CNGA3: variants seen among roughly 807,000 people sequenced by gnomAD.
CNGA3 encodes cyclic nucleotide gated channel subunit alpha 3, also known as cyclic nucleotide-gated channel alpha-3.
Under a neutral mutation model 46.6 loss-of-function variants are expected in CNGA3, and 42 were observed. The ratio of observed to expected loss-of-function variants is 0.90; its 90% CI spans 0.70 to 1.17. The LOEUF (loss-of-function observed/expected upper bound fraction) is 1.17, where lower values mean the gene tolerates loss of function less well. Among genes scored for constraint, CNGA3 ranks in the 50% most tolerant of loss-of-function variants. The pLI is 0.00. For synonymous variants in CNGA3, 394 were observed against 369.4 expected, an observed-to-expected ratio of 1.07 and a Z score of -0.76; for missense variants, 893 against 890.7, an observed-to-expected ratio of 1.00 and a Z score of -0.03.
At chr2:98,361,514 A>T (rs1692032547) in intron 1 of CNGA3, among the ~76,000 whole-genome samples, 1 of 152,100 alleles carries the variant, frequency 6.6e-6, no homozygotes, top group Non-Finnish European at 1.5e-5. Context: ...TCTTTATAAT[A>T]GAATAATTTA....
At chr2:98,361,117 T>TTAAG (rs1692023189) in intron 1 of CNGA3, among the ~76,000 whole-genome samples, 2 of 152,128 alleles carry the variant, frequency 1.3e-5, no homozygotes, top group Non-Finnish European at 2.9e-5. Context: ...GCTGCATCTA[T>TTAAG]CAACCCATCT....
chr2:98,377,583 G>A (rs1402719154), intron 2 of CNGA3, 104 bp from the exon 3 acceptor site: 4 of 1,105,356 alleles, frequency 3.6e-6, no homozygotes, highest in Non-Finnish European at 2.7e-6. Flanking sequence ...TGTGAGGGTG[G>A]CTTTCCCTGC....
At chr2:98,379,134 G>A (rs1692480528) in intron 3 of CNGA3, among the ~76,000 whole-genome samples, 2 of 152,242 alleles carry the variant, frequency 1.3e-5, no homozygotes, top group East Asian at 3.8e-4. Flanking sequence ...GGAATTGTCT[G>A]CGGCAGAGAG....
Position 98,397,114 on chromosome 2 carries a change from G to A in CNGA3, c.1944G>A (p.Leu648=). The A allele has an allele frequency of 1.2e-6, 2 of 1,614,174 alleles. No individual in the cohort carries two copies. Residue 648 remains leucine (L), a synonymous_variant, in exon 8 of 8, where the codon CTG becomes CTA. Coordinates refer to ENST00000272602, the MANE Select transcript of CNGA3 (RefSeq NM_001298.3). ...TGCAGACCAGGTTTGCACGCCTCCT[G>A]GCTGAGTACAACGCCACCCAGATGA... is the stretch of plus-strand genomic sequence containing the variant. ...DTLQTRFARL[L]AEYNATQMKM...
In CNGA3 at chr2:98,396,286, C is replaced by A. The variant is rs201649850; in HGVS notation, c.1116C>A (p.Pro372=). The change falls in exon 8 of 8, where the codon CCC becomes CCA. Residue 372 remains proline (P), a synonymous_variant. Transcript: ENST00000272602. ...CCACCATTGGTGAGACCCCACCCCC[C>A]GTGAAAGATGAGGAGTATCTCTTTG... The part of the protein sequence containing the change: ...TLTTIGETPP[P]VKDEEYLFVV... The A allele has an allele frequency of 1.9e-6, 3 of 1,610,784 alleles. No homozygotes were observed. The highest frequency in any genetic ancestry group is 2.5e-6 in the Non-Finnish European group (3 of 1,177,544).
chr2:98,352,277 G>C (rs74505375), intron 1 of CNGA3, among the ~76,000 whole-genome samples: 1 of 151,996 alleles, frequency 6.6e-6, no homozygotes, highest in African/African-American at 2.4e-5. Context: ...TCCATTTATC[G>C]GTGGATAGGC....
At chr2:98,371,091 C>T (rs1016954615) in intron 2 of CNGA3, among the ~76,000 whole-genome samples, 1 of 152,204 alleles carries the variant, frequency 6.6e-6, no homozygotes, top group African/African-American at 2.4e-5. Context: ...TCCCAAAGTG[C>T]TGGGATTACA....
chr2:98,349,240 G>A (rs778521317), intron 1 of CNGA3, among the ~76,000 whole-genome samples: 21 of 152,024 alleles, frequency 1.4e-4, no homozygotes, highest in Non-Finnish European at 2.9e-4. Flanking sequence ...GCTTTGGTGA[G>A]CACTGTCTCT....
chr2:98,356,184 A>G lies in CNGA3; in HGVS notation c.-38+9650A>G, dbSNP rs186229521. Among the ~76,000 whole-genome samples the G allele has an allele frequency of 1.2e-4, 19 of 152,186 alleles. No homozygotes were observed. The East Asian group carries it at 3.7e-3, about 29-fold the overall frequency. On this transcript the variant is annotated intron_variant, in intron 1 of 7. Transcript: ENST00000272602. ...TTTAGAAAAGTTTCAAAGTATGTAG[A>G]CCCTGGGGGAGTTCTTGACTTATCT...
intron 6 of CNGA3, among the ~76,000 whole-genome samples, chr2:98,391,388 G>A (rs867199199): frequency 1.7e-4 from 26 of 152,188 alleles, no homozygotes; most frequent in East Asian, 3.9e-4. Flanking sequence ...TGCTGTGCCC[G>A]TGAGGATAGG....
chr2:98,347,416 G>A (rs1484746322), intron 1 of CNGA3, among the ~76,000 whole-genome samples: 2 of 152,290 alleles, frequency 1.3e-5, no homozygotes, highest in Admixed American at 1.3e-4. Context: ...CGCCCCTGGG[G>A]GCCTTGGCGC....
chr2:98,364,379 AAAAT>A (rs58612453), intron 1 of CNGA3, among the ~76,000 whole-genome samples: 19 of 151,330 alleles, frequency 1.3e-4, no homozygotes, highest in African/African-American at 1.5e-4. Context: ...CTCCATCTCA[AAAAT>A]AAATAAATAA....
chr2:98,386,680 T>C (rs1278741471), intron 5 of CNGA3, among the ~76,000 whole-genome samples: 1 of 152,150 alleles, frequency 6.6e-6, no homozygotes, highest in African/African-American at 2.4e-5. Context: ...TGTAATCACA[T>C]GAGTCCTTAA....
intron 2 of CNGA3, among the ~76,000 whole-genome samples, chr2:98,375,879 G>A (rs1005259747): frequency 5.9e-5 from 9 of 152,200 alleles, no homozygotes; most frequent in African/African-American, 2.2e-4. Context: ...GGATCTCGGT[G>A]AAGTTGCTTA....
chr2:98,394,353 T>C (rs1055299362), intron 7 of CNGA3, among the ~76,000 whole-genome samples: 26 of 152,078 alleles, frequency 1.7e-4, no homozygotes, highest in African/African-American at 6.0e-4. Context: ...TAAAAGCCCT[T>C]TGGGTAACAG....
intron 3 of CNGA3, chr2:98,378,223 G>A (rs559260894): frequency 6.5e-6 from 10 of 1,537,492 alleles, no homozygotes; most frequent in Non-Finnish European, 8.7e-6. Flanking sequence ...CCCAGGGCAG[G>A]TAGGTGTCCT....
chr2:98,360,821 C>T (rs151069645), intron 1 of CNGA3, among the ~76,000 whole-genome samples: 2,061 of 152,134 alleles, frequency 0.014, 26 homozygotes, highest in Non-Finnish European at 0.018. Flanking sequence ...TGTTATAAGC[C>T]TCCATTTCCT....
At chr2:98,368,797 T>C (rs1333792425) in intron 1 of CNGA3, among the ~76,000 whole-genome samples, 1 of 152,192 alleles carries the variant, frequency 6.6e-6, no homozygotes, top group Non-Finnish European at 1.5e-5. Flanking sequence ...GAAGTGCTGA[T>C]TGGCTGGCTT....
chr2:98,396,283 C>T lies in CNGA3; in HGVS notation c.1113C>T (p.Pro371=). The T allele has an allele frequency of 6.2e-7, 1 of 1,610,980 alleles. No homozygotes were observed. The highest frequency in any genetic ancestry group is 8.5e-7 in the Non-Finnish European group (1 of 1,177,696). ...LTLTTIGETP[P]PVKDEEYLFV... ...TTACCACCATTGGTGAGACCCCACC[C>T]CCCGTGAAAGATGAGGAGTATCTCT... The change falls in exon 8 of 8, where the codon CCC becomes CCT. Residue 371 remains proline, a synonymous_variant. Coordinates refer to ENST00000272602, the MANE Select transcript of CNGA3 (RefSeq NM_001298.3).
Sources: gnomAD v4.1 joint callset for allele counts (sites outside exome capture counted in the v4.1 genomes callset) on GRCh38, gnomAD v4.1.1 for gene constraint, MANE v1.5 for transcripts, NCBI Gene and HGNC (gene_info 2026-07-23, HGNC 2026-07-21) for gene names.